CADPS2: variants seen among roughly 807,000 people sequenced by gnomAD.
The protein encoded by CADPS2 is calcium-dependent secretion activator 2.
In CADPS2, 93 loss-of-function variants were observed where a neutral mutation model predicts 172.5. That is an observed-to-expected ratio of 0.54 (90% confidence interval 0.46 to 0.64). The LOEUF (loss-of-function observed/expected upper bound fraction) is 0.64. CADPS2 is among the 30% of genes least tolerant of loss of function. The pLI, the probability that CADPS2 is intolerant of heterozygous loss-of-function variation, is 0.00. For missense variants in CADPS2, 1,420 were observed against 1,565.9 expected, an observed-to-expected ratio of 0.91 and a Z score of 1.57; for synonymous variants, 546 against 555.2, an observed-to-expected ratio of 0.98 and a Z score of 0.23.
At chr7:122,675,675 T>C (rs1037749804) in intron 2 of CADPS2, among the ~76,000 whole-genome samples, 3 of 152,090 alleles carry the variant, frequency 2.0e-5, no homozygotes, top group Non-Finnish European at 2.9e-5. Context: ...TGCAGGAATG[T>C]GGACGAAGCT....
chr7:122,736,888 C>A, intron 2 of CADPS2, 67 bp downstream of exon 2: 2 of 808,108 alleles, frequency 2.5e-6, no homozygotes, highest in Non-Finnish European at 2.1e-6. Context: ...AATGAGAAAC[C>A]CATAAAAATA....
Position 122,432,034 on chromosome 7 carries a change from T to G in CADPS2, c.2476+6307A>C, listed in dbSNP as rs530660540. On this transcript the variant is annotated intron_variant, in intron 17 of 29. Transcript: ENST00000449022. ...AGCATTTTCTCTTTTTACTAAATAA[T>G]TATCATTATTTTTGGAAAGAGTGGC... Among the ~76,000 whole-genome samples, 5 of 152,274 alleles carry G rather than the reference T, an allele frequency of 3.3e-5. No individual in the cohort carries two copies. In the South Asian group the frequency reaches 1.0e-3, roughly 32 times the overall value.
intron 25 of CADPS2, among the ~76,000 whole-genome samples, chr7:122,376,267 T>C (rs1190100691): frequency 1.3e-5 from 2 of 152,180 alleles, no homozygotes; most frequent in East Asian, 3.9e-4. Context: ...CAGAGAGATA[T>C]CTGCACTCTC....
intron 8 of CADPS2, among the ~76,000 whole-genome samples, chr7:122,528,837 A>G (rs1450701707): frequency 6.6e-6 from 1 of 152,116 alleles, no homozygotes; most frequent in African/African-American, 2.4e-5. Context: ...AAACTACTAA[A>G]CATTAAAGTT....
Position 122,698,158 on chromosome 7 carries a change from T to A in CADPS2, c.454-34589A>T, listed in dbSNP as rs921555581. ...GCGTTCAAAGCAAATTACGCAGCTATCCCCATTTGGATTTATTTCTTCATC... is the reference window on the plus strand; with the variant it reads ...GCGTTCAAAGCAAATTACGCAGCTAACCCCATTTGGATTTATTTCTTCATC... On this transcript the variant is annotated intron_variant, in intron 2 of 29. Coordinates refer to ENST00000449022, the MANE Select transcript of CADPS2 (RefSeq NM_017954.11). The A allele has an allele frequency of 5.0e-6, 8 of 1,613,864 alleles. No individual in the cohort carries two copies. The African/African-American group carries it at 1.1e-4, about 22-fold the overall frequency.
At chr7:122,568,411 G>A (rs2066748702) in intron 7 of CADPS2, among the ~76,000 whole-genome samples, 1 of 152,098 alleles carries the variant, frequency 6.6e-6, no homozygotes, top group East Asian at 1.9e-4. Context: ...TGCCATATCA[G>A]ATATTCATAA....
rs138674645 is a variant in CADPS2, at chr7:122,745,848, G to A, written c.340-8780C>T. On this transcript the variant is annotated intron_variant, in intron 1 of 29. Coordinates refer to ENST00000449022, the MANE Select transcript of CADPS2 (RefSeq NM_017954.11). Reference sequence around the variant, plus strand: ...CCAGATAATTTCAACACACCACAATGGATCAGAAAAGTCTATCATAGATAA... The same window carrying A: ...CCAGATAATTTCAACACACCACAATAGATCAGAAAAGTCTATCATAGATAA... 6.5e-4 allele frequency among the ~76,000 whole-genome samples: 99 copies of A among 151,868 alleles called. 1 individual carries two copies. In the East Asian group the frequency reaches 0.016, roughly 25 times the overall value.
At chr7:122,741,107 A>G (rs2092452094) in intron 1 of CADPS2, among the ~76,000 whole-genome samples, 1 of 152,182 alleles carries the variant, frequency 6.6e-6, no homozygotes, top group Non-Finnish European at 1.5e-5. Context: ...ATAGGAGACT[A>G]AATTATGCCA....
At chr7:122,485,744 A>T (rs2152284098) in intron 11 of CADPS2, among the ~76,000 whole-genome samples, 1 of 152,352 alleles carries the variant, frequency 6.6e-6, no homozygotes, top group East Asian at 1.9e-4. Context: ...TTCTATTGGA[A>T]GAAGATGCCA....
rs956294562 is a variant in CADPS2, at chr7:122,448,856, C to T, written c.2288+2518G>A. ...AGAAAAATATAGCTTCTACGACTTC[C>T]TTTGAACACTGGCATGTATGAATGT... On this transcript the variant is annotated intron_variant, in intron 15 of 29. Transcript: ENST00000449022. Among the ~76,000 whole-genome samples the T allele has an allele frequency of 1.3e-5, 2 of 152,058 alleles. 1 individual carries two copies. The highest frequency in any genetic ancestry group is 2.9e-5 in the Non-Finnish European group (2 of 68,016).
chr7:122,872,016 G>A, intron 1 of CADPS2, among the ~76,000 whole-genome samples: 1 of 151,888 alleles, frequency 6.6e-6, no homozygotes, highest in Non-Finnish European at 1.5e-5. Context: ...TTTAACTCTT[G>A]TGCCCAAATC....
intron 1 of CADPS2, among the ~76,000 whole-genome samples, chr7:122,760,087 A>G (rs923183557): frequency 2.0e-5 from 3 of 151,952 alleles, no homozygotes; most frequent in African/African-American, 7.2e-5. Context: ...ACTAGAATCA[A>G]TATGTTTATA....
At chr7:122,838,268 T>C (rs1420026790) in intron 1 of CADPS2, among the ~76,000 whole-genome samples, 1 of 152,184 alleles carries the variant, frequency 6.6e-6, no homozygotes, top group East Asian at 1.9e-4. Context: ...TCGGCATTGA[T>C]GGGACATATC....
At chr7:122,832,267 A>G (rs192973843) in intron 1 of CADPS2, among the ~76,000 whole-genome samples, 48 of 151,988 alleles carry the variant, frequency 3.2e-4, no homozygotes, top group Admixed American at 1.4e-3. Flanking sequence ...TAAAACAGAG[A>G]AAAAAAACTG....
intron 25 of CADPS2, among the ~76,000 whole-genome samples, chr7:122,369,208 T>C (rs938097858): frequency 6.0e-5 from 8 of 133,408 alleles, no homozygotes; most frequent in African/African-American, 1.7e-4. Context: ...CTCGGCTCAC[T>C]GCAAGCTCCG....
intron 27 of CADPS2, among the ~76,000 whole-genome samples, chr7:122,351,905 T>A (rs1340769791): frequency 6.6e-6 from 1 of 152,234 alleles, no homozygotes; most frequent in East Asian, 1.9e-4. Flanking sequence ...AGCATTAGTA[T>A]GTTACATTTT....
Position 122,527,617 on chromosome 7 carries a change from A to AGAGAGAGAGAGAGAGTGTGT in CADPS2, c.1476-14303_1476-14302insACACACTCTCTCTCTCTCTC. On this transcript the variant is annotated intron_variant, in intron 8 of 29. Coordinates refer to ENST00000449022, the MANE Select transcript of CADPS2 (RefSeq NM_017954.11). ...GAGAGAGAGAGAGAGAGAGAGAGAGAGTGTGTGTGTGTGTGTGTGTGTGTG... is the reference window on the plus strand; with the variant it reads ...GAGAGAGAGAGAGAGAGAGAGAGAGAGAGAGAGAGAGAGAGTGTGTGTGTGTGTGTGTGTGTGTGTGTGTG... 2.8e-3 allele frequency among the ~76,000 whole-genome samples: 235 copies of AGAGAGAGAGAGAGAGTGTGT among 83,826 alleles called. 2 individuals are homozygous for AGAGAGAGAGAGAGAGTGTGT. The highest frequency in any genetic ancestry group is 4.6e-3 in the Non-Finnish European group (178 of 38,292). The allele number at this position is 83,826 out of a possible 152,430, so 55.0% of individuals were successfully genotyped here. A position where few individuals can be genotyped will look rare whatever the true frequency, so the allele number is the denominator to read the frequency against.
At chr7:122,847,597 A>ATT (rs35101326) in intron 1 of CADPS2, among the ~76,000 whole-genome samples, 12 of 149,998 alleles carry the variant, frequency 8.0e-5, no homozygotes, top group Non-Finnish European at 1.0e-4. Flanking sequence ...AGCTACTTAG[A>ATT]TTTTTTTTTT....
chr7:122,463,377 T>A (rs1003229031), intron 14 of CADPS2, among the ~76,000 whole-genome samples: 1 of 151,854 alleles, frequency 6.6e-6, no homozygotes, highest in East Asian at 1.9e-4. Context: ...TGGAGTGCAA[T>A]GGCATGATCT....
Sources: gnomAD v4.1 joint callset for allele counts (sites outside exome capture counted in the v4.1 genomes callset) on GRCh38, gnomAD v4.1.1 for gene constraint, MANE v1.5 for transcripts, NCBI Gene and HGNC (gene_info 2026-07-23, HGNC 2026-07-21) for gene names.